Variants in COL23A1 observed in about 807,000 individuals in gnomAD.
COL23A1 encodes the protein collagen alpha-1(XXIII) chain.
In COL23A1, 97 loss-of-function variants were observed where a neutral mutation model predicts 99.3. That is an observed-to-expected ratio of 0.98 (90% CI 0.83 to 1.16). COL23A1 has a LOEUF of 1.16. Among genes scored for constraint, COL23A1 ranks in the 50% most tolerant of loss-of-function variants. The pLI, the probability that COL23A1 is intolerant of heterozygous loss-of-function variation, is 0.00. For missense variants in COL23A1, 762 were observed against 757.4 expected, an observed-to-expected ratio of 1.01 and a Z score of -0.07; for synonymous variants, 320 against 308.2, an observed-to-expected ratio of 1.04 and a Z score of -0.40.
At chr5:178,588,151 C>G (rs1764093785) in intron 1 of COL23A1, among the ~76,000 whole-genome samples, 3 of 152,094 alleles carry the variant, frequency 2.0e-5, no homozygotes, top group South Asian at 4.1e-4. Context: ...GAACACACAC[C>G]CTGTCCAATA....
intron 22 of COL23A1, 137 bp downstream of exon 22, chr5:178,247,389 G>T: frequency 1.1e-6 from 1 of 937,538 alleles, no homozygotes; most frequent in Non-Finnish European, 1.7e-6. Flanking sequence ...TGGGGACTTG[G>T]GACGTTCAGG....
intron 2 of COL23A1, among the ~76,000 whole-genome samples, chr5:178,390,008 T>G (rs1197946639): frequency 2.0e-5 from 3 of 152,162 alleles, no homozygotes; most frequent in Non-Finnish European, 4.4e-5. Flanking sequence ...TCAGAGACTA[T>G]GTGTCCTGCC....
chr5:178,287,685 C>T (rs1459880167), intron 5 of COL23A1, among the ~76,000 whole-genome samples: 2 of 152,224 alleles, frequency 1.3e-5, no homozygotes, highest in African/African-American at 4.8e-5. Context: ...CCTGACGGCC[C>T]TGCCAATCTC....
At chr5:178,293,000 G>A (rs1178190763) in intron 3 of COL23A1, among the ~76,000 whole-genome samples, 1 of 152,102 alleles carries the variant, frequency 6.6e-6, no homozygotes, top group African/African-American at 2.4e-5. Flanking sequence ...CAATGCAGAG[G>A]CATGTCCAGG....
chr5:178,416,165 A>T (rs939439473), intron 2 of COL23A1, among the ~76,000 whole-genome samples: 1 of 152,170 alleles, frequency 6.6e-6, no homozygotes, highest in East Asian at 1.9e-4. Context: ...CCCAATATAG[A>T]CAAGAGATGA....
In COL23A1 at chr5:178,280,959, C is replaced by T. The variant is rs72819064; in HGVS notation, c.441+7365G>A. On this transcript the variant is annotated intron_variant, in intron 5 of 28. Transcript: ENST00000390654. The surrounding 1 kb of genome is among the most constrained non-coding windows in gnomAD (Gnocchi z 4.9). ...TGGGCTGCCCCACATGGGACACTCA[C>T]GGGGACACTGGGGACACAGTGCTGG... Among the ~76,000 whole-genome samples, 8 of 152,168 alleles carry T rather than the reference C, an allele frequency of 5.3e-5. No homozygotes were observed. Among genetic ancestry groups the T allele is most frequent in the African/African-American group, 9.7e-5 (4 of 41,446 alleles).
rs1756906564 is a variant in COL23A1, at chr5:178,281,644, T to C, written c.441+6680A>G. On this transcript the variant is annotated intron_variant, in intron 5 of 28. Transcript: ENST00000390654. This position sits in a 1 kb window ranked among gnomAD's most constrained non-coding sequence, Gnocchi z 4.0. ...CATTCAGGCTTCACCAGCAAATTAGTGCAACCGCCTCCTACCCGCACCCCT... is the reference window on the plus strand; with the variant it reads ...CATTCAGGCTTCACCAGCAAATTAGCGCAACCGCCTCCTACCCGCACCCCT... 6.6e-6 allele frequency among the ~76,000 whole-genome samples: 1 copy of C among 152,216 alleles called. No individual in the cohort carries two copies. Among genetic ancestry groups the C allele is most frequent in the Non-Finnish European group, 1.5e-5 (1 of 68,038 alleles).
chr5:178,268,820 G>A (rs1169786552), intron 6 of COL23A1, 64 bp from the exon 7 acceptor site: 11 of 1,545,388 alleles, frequency 7.1e-6, no homozygotes, highest in Non-Finnish European at 8.8e-6. Context: ...TCCCCTTCTG[G>A]CTTCCCTATA....
chr5:178,325,972 C>A (rs558150721), intron 2 of COL23A1, among the ~76,000 whole-genome samples: 2 of 152,304 alleles, frequency 1.3e-5, no homozygotes, highest in East Asian at 3.9e-4. Flanking sequence ...TCTTTCTAGC[C>A]AGGGCTGTTG....
At chr5:178,288,464 A>G (rs6860225) in intron 4 of COL23A1, 114 bp from the exon 5 acceptor site, 183,883 of 914,546 alleles carry the variant, frequency 0.2, 21,457 homozygotes, top group East Asian at 0.44. Flanking sequence ...CTGGTTGGTG[A>G]CTTCCTCTGC....
intron 2 of COL23A1, among the ~76,000 whole-genome samples, chr5:178,514,074 C>G (rs1661002421): frequency 6.6e-6 from 1 of 152,120 alleles, no homozygotes; most frequent in Non-Finnish European, 1.5e-5. Flanking sequence ...ACTTTCTCCT[C>G]CCCCAGCCCC....
At chr5:178,367,593 A>G (rs1217425407) in intron 2 of COL23A1, among the ~76,000 whole-genome samples, 3 of 152,144 alleles carry the variant, frequency 2.0e-5, no homozygotes, top group Admixed American at 1.3e-4. Flanking sequence ...GGGAGCCCTG[A>G]CATGTTAGGG....
At chr5:178,339,873 T>C (rs932019854) in intron 2 of COL23A1, among the ~76,000 whole-genome samples, 2 of 152,194 alleles carry the variant, frequency 1.3e-5, no homozygotes, top group Admixed American at 6.5e-5. Flanking sequence ...CTGGCTTTCA[T>C]GGGTAACCTG....
At chr5:178,389,837 C>T (rs1204252207) in intron 2 of COL23A1, among the ~76,000 whole-genome samples, 1 of 152,186 alleles carries the variant, frequency 6.6e-6, no homozygotes, top group Non-Finnish European at 1.5e-5. Context: ...CGGGTGGGCA[C>T]ATGCAGGCAG....
chr5:178,273,669 G>T (rs1328900293), intron 5 of COL23A1, among the ~76,000 whole-genome samples: 1 of 152,212 alleles, frequency 6.6e-6, no homozygotes, highest in African/African-American at 2.4e-5. Flanking sequence ...GACGGGGCTG[G>T]GCCAGCCCCT....
At chr5:178,502,179 T>C (rs959840188) in intron 2 of COL23A1, among the ~76,000 whole-genome samples, 32 of 152,242 alleles carry the variant, frequency 2.1e-4, no homozygotes, top group Admixed American at 2.0e-3. Flanking sequence ...TCGCCCAGGC[T>C]GGAGTGCAGT....
intron 2 of COL23A1, among the ~76,000 whole-genome samples, chr5:178,408,441 C>G (rs138145138): frequency 4.3e-4 from 66 of 152,092 alleles, no homozygotes; most frequent in African/African-American, 1.5e-3. Flanking sequence ...ACAGAGTTTT[C>G]TAAATTACAT....
chr5:178,302,794 T>C (rs1456195447), intron 3 of COL23A1, among the ~76,000 whole-genome samples: 1 of 152,224 alleles, frequency 6.6e-6, no homozygotes, highest in Non-Finnish European at 1.5e-5. Context: ...TTAAGCATCC[T>C]GGGGACAGGG....
At chr5:178,556,441 G>A (rs1762276515) in intron 2 of COL23A1, among the ~76,000 whole-genome samples, 1 of 151,904 alleles carries the variant, frequency 6.6e-6, no homozygotes, top group Non-Finnish European at 1.5e-5. Flanking sequence ...TGGCCAACAT[G>A]GTGAAACCCC....
Sources: allele counts gnomAD v4.1 joint callset (sites outside exome capture counted in the v4.1 genomes callset), GRCh38; gene constraint gnomAD v4.1.1; non-coding constraint Gnocchi (gnomAD v3.1); transcripts MANE v1.5; gene names NCBI Gene and HGNC (gene_info 2026-07-23, HGNC 2026-07-21).